EMCN: variants seen among roughly 807,000 people sequenced by gnomAD.
EMCN encodes endomucin, also known as MUC-14.
A neutral mutation model predicts 38.4 loss-of-function variants in EMCN; 37 were observed. The observed-to-expected ratio is 0.96, with a 90% CI of 0.74 to 1.27. The LOEUF is 1.27. Among genes scored for constraint, EMCN ranks in the 50% most tolerant of loss-of-function variants. The probability of loss-of-function intolerance (pLI) is 0.00; values close to 1 mark genes in which losing one functional copy is unlikely to be tolerated. For missense variants in EMCN, 318 were observed against 302.8 expected, an observed-to-expected ratio of 1.05 and a Z score of -0.37; for synonymous variants, 95 against 100.8, an observed-to-expected ratio of 0.94 and a Z score of 0.35.
At chr4:100,462,583 G>C (rs1386199756) in intron 4 of EMCN, among the ~76,000 whole-genome samples, 2 of 152,026 alleles carry the variant, frequency 1.3e-5, no homozygotes, top group Non-Finnish European at 2.9e-5. Context: ...ATATATAGTA[G>C]TTTTATTTTT....
rs770836058 is a variant in EMCN at position 100,397,823 on chromosome 4, A to G, written c.*590T>C. On this transcript the variant is annotated 3_prime_UTR_variant, in exon 12 of 12. Coordinates refer to ENST00000296420, the MANE Select transcript of EMCN (RefSeq NM_016242.4). The stretch of plus-strand genomic sequence containing the variant: ...GCCATTTTCACAGTCATGTTATAGT[A>G]TTTTTAGAGTATTGAGTACAGTAGT... The G allele has an allele frequency of 1.2e-4, 18 of 152,140 alleles. No individual in the cohort carries two copies. The highest frequency in any genetic ancestry group is 2.4e-4 in the Non-Finnish European group (16 of 68,020). The allele number at this position is 152,140 out of a possible 1,614,324, so 9.4% of individuals were successfully genotyped here. A position where few individuals can be genotyped will look rare whatever the true frequency, so the allele number is the denominator to read the frequency against.
rs770948232 is a variant in EMCN at position 100,421,362 on chromosome 4, A to T, written c.584T>A (p.Val195Glu). The change falls in exon 8 of 12, where the codon GTG becomes GAG. Residue 195 changes from valine (V) to glutamate (E), a missense_variant. By Grantham distance (121) the Val-to-Glu change is moderately radical. Coordinates refer to ENST00000296420, the MANE Select transcript of EMCN (RefSeq NM_016242.4). ...TGTTATTACAATCAAAGCAATAACCACCGGCAAAATAATACCTAAAAAGAA... is the reference window on the plus strand; with the variant it reads ...TGTTATTACAATCAAAGCAATAACCTCCGGCAAAATAATACCTAAAAAGAA... ...SRSYSSIILP[V>E]VIALIVITLS... The T allele has an allele frequency of 6.2e-7, 1 of 1,612,426 alleles. No individual in the cohort carries two copies. The highest frequency in any genetic ancestry group is 1.7e-5 in the Admixed American group (1 of 59,866).
intron 3 of EMCN, among the ~76,000 whole-genome samples, chr4:100,471,061 A>C (rs1728463853): frequency 1.3e-5 from 2 of 151,976 alleles, no homozygotes; most frequent in Non-Finnish European, 2.9e-5. Context: ...AGAGCAAACT[A>C]AACCCATACG....
intron 11 of EMCN, among the ~76,000 whole-genome samples, chr4:100,400,220 G>A (rs1726218478): frequency 6.6e-6 from 1 of 152,168 alleles, no homozygotes; most frequent in South Asian, 2.1e-4. Context: ...TGTTGCAGCA[G>A]TATCAGATTG....
chr4:100,400,139 A>G (rs1726215921), intron 11 of EMCN, among the ~76,000 whole-genome samples: 1 of 152,200 alleles, frequency 6.6e-6, no homozygotes, highest in Admixed American at 6.5e-5. Flanking sequence ...TTTATAGTGA[A>G]GGACAATGTT....
intron 1 of EMCN, among the ~76,000 whole-genome samples, chr4:100,513,333 C>T (rs549717700): frequency 2.0e-5 from 3 of 152,256 alleles, no homozygotes; most frequent in African/African-American, 7.2e-5. Context: ...GGATTAAGCT[C>T]AACAGAAGTA....
chr4:100,440,607 G>T (rs75825569), intron 5 of EMCN, among the ~76,000 whole-genome samples: 1 of 151,820 alleles, frequency 6.6e-6, no homozygotes, highest in Non-Finnish European at 1.5e-5. Context: ...TCTATGGTGT[G>T]TGTGTATATA....
intron 3 of EMCN, among the ~76,000 whole-genome samples, chr4:100,473,365 G>GTTTTGTTTTTTT (rs1728533952): frequency 3.4e-5 from 1 of 29,840 alleles, no homozygotes; most frequent in Non-Finnish European, 8.4e-5. Context: ...CCCGTTTCGT[G>GTTTTGTTTTTTT]TTTTTTTGTT....
rs879374037 is a variant in EMCN, at chr4:100,432,844, A to G, written c.416-9440T>C. Among the ~76,000 whole-genome samples the G allele has an allele frequency of 4.1e-4, 63 of 152,278 alleles. 1 individual carries two copies. Among genetic ancestry groups the G allele is most frequent in the Admixed American group, 9.8e-4 (15 of 15,274 alleles). Reference sequence around the variant, plus strand: ...TTTTAAAACTTAAATAAATTTTTAAAAATAAATTTTATTGTATATATTTAA... The same window carrying G: ...TTTTAAAACTTAAATAAATTTTTAAGAATAAATTTTATTGTATATATTTAA... On this transcript the variant is annotated intron_variant, in intron 5 of 11. Transcript: ENST00000296420.
intron 1 of EMCN, among the ~76,000 whole-genome samples, chr4:100,499,917 G>A (rs1256294131): frequency 6.6e-6 from 1 of 152,104 alleles, no homozygotes; most frequent in Non-Finnish European, 1.5e-5. Context: ...AATAGGTAAG[G>A]TTTAATGAGA....
chr4:100,476,930 A>AT (rs1728667523), intron 2 of EMCN, among the ~76,000 whole-genome samples: 1 of 152,102 alleles, frequency 6.6e-6, no homozygotes, highest in Non-Finnish European at 1.5e-5. Flanking sequence ...ACCCAAACTC[A>AT]TTTTTTTCTG....
At chr4:100,450,969 T>C (rs963023554) in intron 4 of EMCN, among the ~76,000 whole-genome samples, 1 of 151,880 alleles carries the variant, frequency 6.6e-6, no homozygotes, top group Non-Finnish European at 1.5e-5. Context: ...TGCAGTTTAC[T>C]TGGTTATTTT....
At chr4:100,476,922 C>A (rs72692126) in intron 2 of EMCN, among the ~76,000 whole-genome samples, 4 of 151,900 alleles carry the variant, frequency 2.6e-5, no homozygotes, top group Non-Finnish European at 5.9e-5. Flanking sequence ...AATGGGGTAC[C>A]CAAACTCATT....
At chr4:100,437,062 C>T (rs529154774) in intron 5 of EMCN, among the ~76,000 whole-genome samples, 5 of 152,276 alleles carry the variant, frequency 3.3e-5, no homozygotes, top group Admixed American at 1.3e-4. Context: ...AAAGAATTCC[C>T]TTGTCTTCAT....
In EMCN at chr4:100,396,545, T is replaced by TA. The variant is rs906249341; in HGVS notation, c.*1867_*1868insT. The stretch of plus-strand genomic sequence containing the variant: ...TTCTTTCTTTCTTTTTTTTCCTTTT[T>TA]TTTTTTTTTTTTTTTGAGACAGAGT... On this transcript the variant is annotated 3_prime_UTR_variant, in exon 12 of 12. Transcript: ENST00000296420. 5 of 139,866 alleles carry TA rather than the reference T, an allele frequency of 3.6e-5. No individual in the cohort carries two copies. The highest frequency in any genetic ancestry group is 6.2e-5 in the Non-Finnish European group (4 of 65,016). The allele number at this position is 139,866 out of a possible 1,614,324, so 8.7% of individuals were successfully genotyped here.
intron 4 of EMCN, among the ~76,000 whole-genome samples, chr4:100,463,656 C>T (rs1403732601): frequency 6.6e-6 from 1 of 152,072 alleles, no homozygotes; most frequent in African/African-American, 2.4e-5. Context: ...GAGTCAATCC[C>T]CACTCCCATC....
At chr4:100,492,629 A>G (rs1729112480) in intron 1 of EMCN, among the ~76,000 whole-genome samples, 1 of 152,210 alleles carries the variant, frequency 6.6e-6, no homozygotes, top group Non-Finnish European at 1.5e-5. Flanking sequence ...CCAAAACATT[A>G]AAGATGAATA....
At chr4:100,403,680 A>G (rs1023236734) in intron 11 of EMCN, among the ~76,000 whole-genome samples, 2 of 152,094 alleles carry the variant, frequency 1.3e-5, no homozygotes, top group African/African-American at 4.8e-5. Flanking sequence ...ACTCATTTAC[A>G]TTCTCACCTG....
At chr4:100,403,140 C>T (rs947825940) in intron 11 of EMCN, among the ~76,000 whole-genome samples, 5 of 151,986 alleles carry the variant, frequency 3.3e-5, no homozygotes, top group African/African-American at 1.2e-4. Context: ...GGGCATTGCA[C>T]GTCATAGGGG....
Sources: allele counts gnomAD v4.1 joint callset (sites outside exome capture counted in the v4.1 genomes callset), GRCh38; gene constraint gnomAD v4.1.1; transcripts MANE v1.5; gene names NCBI Gene and HGNC (gene_info 2026-07-23, HGNC 2026-07-21).